TASOR2: variants seen among roughly 807,000 people sequenced by gnomAD.
TASOR2 encodes protein TASOR 2.
A neutral mutation model predicts 199.5 loss-of-function variants in TASOR2; 84 were observed. The ratio of observed to expected loss-of-function variants is 0.42; its 90% CI spans 0.35 to 0.50. The LOEUF is 0.50. Ranked by LOEUF, TASOR2 falls within the 20% of genes least tolerant of loss-of-function variation. The pLI, the probability that TASOR2 is intolerant of heterozygous loss-of-function variation, is 0.02. For missense variants in TASOR2, 2,796 were observed against 2,835.9 expected (o/e 0.99, Z 0.32); for synonymous variants, 1,103 against 1,046.6 (o/e 1.05, Z -1.04).
At chr10:5,712,625 T>G (rs971594541) in intron 1 of TASOR2, 198 bp from the exon 2 acceptor site, 3 of 1,125,906 alleles carry the variant, frequency 2.7e-6, no homozygotes, top group Admixed American at 4.2e-5. Context: ...AGCCTAGCAC[T>G]TTTTAGCTAT....
exon 2 of TASOR2, chr10:5,712,915 G>A (rs1832099904): frequency 8.2e-7 from 1 of 1,223,758 alleles, no homozygotes; most frequent in East Asian, 3.2e-5. Context: ...ATACTGAAAA[G>A]CAGGTAAGGG....
At chr10:5,734,843 C>T (rs1158317572) in intron 11 of TASOR2, among the ~76,000 whole-genome samples, 2 of 146,836 alleles carry the variant, frequency 1.4e-5, no homozygotes, top group African/African-American at 5.0e-5. Flanking sequence ...ACTATGGGCA[C>T]ATGCCACCAC....
rs1222421839 is a variant in TASOR2 at position 5,706,869 on chromosome 10, G to C, written c.-287-5954G>C. On this transcript the variant is annotated intron_variant, in intron 1 of 20. Coordinates refer to ENST00000328090, the Ensembl canonical transcript of TASOR2. This position sits in a 1 kb window ranked among gnomAD's most constrained non-coding sequence, Gnocchi z 4.8. ...AATACAAAAATTAGCCGGGCATGTTGCTGGGCACTTGTAATCCCAGCTACA... is the reference window on the plus strand; with the variant it reads ...AATACAAAAATTAGCCGGGCATGTTCCTGGGCACTTGTAATCCCAGCTACA... Among the ~76,000 whole-genome samples, 1 of 152,100 alleles carries C rather than the reference G, an allele frequency of 6.6e-6. No homozygotes were observed. The highest frequency in any genetic ancestry group is 1.5e-5 in the Non-Finnish European group (1 of 68,028).
chr10:5,707,726 TCACACACACACACACACACACACACACA>T (rs5782856), intron 1 of TASOR2, among the ~76,000 whole-genome samples: 13 of 129,198 alleles, frequency 1.0e-4, no homozygotes, highest in Admixed American at 3.0e-4. Flanking sequence ...TCACTCATTT[TCACACACACACACACACACACACACACA>T]CACACACACA....
exon 15 of TASOR2, chr10:5,749,714 A>G (rs867543592): frequency 1.2e-6 from 2 of 1,614,212 alleles, no homozygotes; most frequent in Non-Finnish European, 1.7e-6. Flanking sequence ...CTGAAATACA[A>G]CAGTACTGTG....
chr10:5,694,287 T>C (rs1225907097), intron 1 of TASOR2, among the ~76,000 whole-genome samples: 3 of 152,204 alleles, frequency 2.0e-5, no homozygotes, highest in African/African-American at 7.2e-5. Flanking sequence ...TTTTGTGTTC[T>C]GAGGGCAGTG....
chr10:5,752,002 ATCC>A lies in TASOR2; in HGVS notation c.6606+1982_6606+1984del, dbSNP rs1838108818. 6.7e-6 allele frequency among the ~76,000 whole-genome samples: 1 copy of A among 148,476 alleles called. No individual in the cohort carries two copies. The highest frequency in any genetic ancestry group is 2.5e-5 in the African/African-American group (1 of 39,968). On this transcript the variant is annotated intron_variant, in intron 15 of 20. Transcript: ENST00000328090. The surrounding 1 kb of genome is among the most constrained non-coding windows in gnomAD (Gnocchi z 4.4). Reference sequence around the variant, plus strand: ...TGTCCCTCCCAAGTCCCCCTCCCCCATCCTCCTCCCAACCCCAGGTATAATGAG... The same window carrying A: ...TGTCCCTCCCAAGTCCCCCTCCCCCATCCTCCCAACCCCAGGTATAATGAG...
intron 12 of TASOR2, 119 bp from the exon 14 acceptor site, chr10:5,739,499 G>T: frequency 1.1e-6 from 1 of 913,580 alleles, no homozygotes; most frequent in Non-Finnish European, 1.6e-6. Flanking sequence ...ATTTTAATAT[G>T]CAATATATGT....
At chr10:5,715,343 T>C (rs1588690387) in intron 2 of TASOR2, among the ~76,000 whole-genome samples, 1 of 152,010 alleles carries the variant, frequency 6.6e-6, no homozygotes, top group East Asian at 1.9e-4. Flanking sequence ...TAGACCATTT[T>C]TTTCACCCAA....
intron 18 of TASOR2, 178 bp from the exon 20 acceptor site, chr10:5,761,112 T>C (rs1839757801): frequency 1.8e-6 from 1 of 557,256 alleles, no homozygotes; most frequent in Non-Finnish European, 3.1e-6. Flanking sequence ...AAAATCCACA[T>C]TTACAAAAGG....
rs372535283 is a variant in TASOR2 at position 5,689,472 on chromosome 10, C to T, written c.-288+4297C>T. Among the ~76,000 whole-genome samples the T allele has an allele frequency of 3.9e-5, 6 of 152,000 alleles. No homozygotes were observed. Among genetic ancestry groups the T allele is most frequent in the African/African-American group, 7.2e-5 (3 of 41,382 alleles). ...AAAATTATCCCGGCATGGGGGTGCGCGCCTGTAGTCCCAGCTACTCGGGAG... is the reference window on the plus strand; with the variant it reads ...AAAATTATCCCGGCATGGGGGTGCGTGCCTGTAGTCCCAGCTACTCGGGAG... On this transcript the variant is annotated intron_variant, in intron 1 of 20. Transcript: ENST00000328090. The surrounding 1 kb of genome is among the most constrained non-coding windows in gnomAD (Gnocchi z 4.1).
At chr10:5,712,317 T>G in intron 1 of TASOR2, 14 of 1,027,726 alleles carry the variant, frequency 1.4e-5, no homozygotes, top group African/African-American at 1.6e-5. Flanking sequence ...ATGTTTTGAG[T>G]GATATTCAGT....
intron 14 of TASOR2, among the ~76,000 whole-genome samples, chr10:5,743,115 A>G (rs2131618284): frequency 6.6e-6 from 1 of 152,354 alleles, no homozygotes; most frequent in African/African-American, 2.4e-5. Context: ...AGCAAATCTA[A>G]AAGTTGTTAA....
intron 1 of TASOR2, among the ~76,000 whole-genome samples, chr10:5,708,422 G>A (rs1831412992): frequency 6.6e-6 from 1 of 152,076 alleles, no homozygotes; most frequent in East Asian, 1.9e-4. Flanking sequence ...TTGTATCACT[G>A]TACATCCACT....
chr10:5,747,540 A>G (rs202111478), exon 15 of TASOR2: 258 of 1,614,050 alleles, frequency 1.6e-4, no homozygotes, highest in Non-Finnish European at 2.0e-4. Context: ...TACTTTCTAA[A>G]GAAAATTGCA....
Position 5,754,814 on chromosome 10 carries a change from T to C in TASOR2, c.6607-1799T>C, listed in dbSNP as rs569512578. Among the ~76,000 whole-genome samples the C allele has an allele frequency of 2.1e-4, 31 of 150,060 alleles. No homozygotes were observed. The highest frequency in any genetic ancestry group is 4.3e-4 in the South Asian group (2 of 4,672). ...ATCCCAGCACTTTGGGAGGCCGAGGTGGGCGGATCACAAGGTCAGGAGATT... is the reference window on the plus strand; with the variant it reads ...ATCCCAGCACTTTGGGAGGCCGAGGCGGGCGGATCACAAGGTCAGGAGATT... On this transcript the variant is annotated intron_variant, in intron 15 of 20. Transcript: ENST00000328090. The surrounding 1 kb of genome is among the most constrained non-coding windows in gnomAD (Gnocchi z 4.3).
chr10:5,688,494 C>T (rs1286446158), intron 1 of TASOR2, among the ~76,000 whole-genome samples: 1 of 145,958 alleles, frequency 6.9e-6, no homozygotes, highest in Non-Finnish European at 1.5e-5. Flanking sequence ...TGCCTCGCCT[C>T]TCAAAGCACT....
At position 5,738,369 on chromosome 10, in the gene TASOR2, A is replaced by G. The variant is rs1044760731; in HGVS notation, c.1448-1249A>G. Among the ~76,000 whole-genome samples the G allele has an allele frequency of 2.0e-5, 3 of 152,146 alleles. No individual in the cohort carries two copies. The highest frequency in any genetic ancestry group is 4.4e-5 in the Non-Finnish European group (3 of 68,040). ...TCTTTTATATTAGGCCTTACTGGTA[A>G]GTAATATTTTGTGTAAGGGATAAGT... On this transcript the variant is annotated intron_variant, in intron 12 of 20. Coordinates refer to ENST00000328090, the Ensembl canonical transcript of TASOR2. The surrounding 1 kb of genome is among the most constrained non-coding windows in gnomAD (Gnocchi z 4.7).
At chr10:5,758,803 T>C in intron 17 of TASOR2, 84 bp from the exon 19 acceptor site, 1 of 984,894 alleles carries the variant, frequency 1.0e-6, no homozygotes, top group East Asian at 2.4e-5. Flanking sequence ...TTTCTTGTTT[T>C]ACAAATAATT....
Sources: allele counts gnomAD v4.1 joint callset (sites outside exome capture counted in the v4.1 genomes callset), GRCh38; gene constraint gnomAD v4.1.1; non-coding constraint Gnocchi (gnomAD v3.1); transcripts MANE v1.5; gene names NCBI Gene and HGNC (gene_info 2026-07-23, HGNC 2026-07-21).